The following PARP1 variants were observed in gnomAD, a reference collection of about 807,000 sequenced individuals.
The protein encoded by PARP1 is poly [ADP-ribose] polymerase 1.
A neutral mutation model predicts 118.7 loss-of-function variants in PARP1; 44 were observed. The ratio of observed to expected loss-of-function variants is 0.37; its 90% confidence interval spans 0.29 to 0.48. The LOEUF (loss-of-function observed/expected upper bound fraction) is 0.48. PARP1 is among the 20% of genes least tolerant of loss of function. The probability of loss-of-function intolerance (pLI) is 0.99; values close to 1 mark genes in which losing one functional copy is unlikely to be tolerated. For missense variants in PARP1, 1,100 were observed against 1,272.4 expected (o/e 0.86, Z 2.06); for synonymous variants, 492 against 483.2 (o/e 1.02, Z -0.24).
chr1:226,392,245 T>G lies in PARP1; in HGVS notation c.356A>C (p.Lys119Thr), dbSNP rs758526385. 4.3e-6 allele frequency: 7 copies of G among 1,614,022 alleles called. No homozygotes were observed. Among genetic ancestry groups the G allele is most frequent in the African/African-American group, 1.3e-5 (1 of 74,936 alleles). Reference sequence around the variant, plus strand: ...CCCCTTGCACGTACTTCTGTTGGACTTGGCATACTCTGCTGCAAAGTCACC... The same window carrying G: ...CCCCTTGCACGTACTTCTGTTGGACGTGGCATACTCTGCTGCAAAGTCACC... Reference protein sequence around the residue: ...TLGDFAAEYAKSNRSTCKGCM... With the variant: ...TLGDFAAEYATSNRSTCKGCM... Residue 119 changes from lysine to threonine, a missense_variant, in exon 3 of 23, where the codon AAG becomes ACG. Coordinates refer to ENST00000366794, the MANE Select transcript of PARP1 (RefSeq NM_001618.4).
chr1:226,376,990 T>C (rs3219090), intron 13 of PARP1, 118 bp downstream of exon 13: 570,201 of 924,618 alleles, frequency 0.62, 182,375 homozygotes, highest in Non-Finnish European at 0.67. Context: ...TTATTCTCCT[T>C]TCAACATTTG....
chr1:226,372,981 C>T (rs930173829), intron 14 of PARP1, among the ~76,000 whole-genome samples: 5 of 152,190 alleles, frequency 3.3e-5, no homozygotes, highest in African/African-American at 7.2e-5. Flanking sequence ...ACAAGCACAG[C>T]GAACAAGCCC....
At chr1:226,400,648 C>T (rs1445336402) in intron 2 of PARP1, among the ~76,000 whole-genome samples, 1 of 152,174 alleles carries the variant, frequency 6.6e-6, no homozygotes, top group African/African-American at 2.4e-5. Flanking sequence ...CACCAACAGG[C>T]CAACTCTTTC....
intron 2 of PARP1, among the ~76,000 whole-genome samples, chr1:226,398,118 T>C (rs2102745040): frequency 6.9e-5 from 3 of 43,720 alleles, no homozygotes; most frequent in Middle Eastern, 0.015. Flanking sequence ...GATGACTTTT[T>C]ACAAACACCA....
At chr1:226,407,343 G>A (rs1007402903) in intron 1 of PARP1, among the ~76,000 whole-genome samples, 1 of 149,310 alleles carries the variant, frequency 6.7e-6, no homozygotes, top group Non-Finnish European at 1.5e-5. Flanking sequence ...TTTAAATGAC[G>A]TGTTGAAATG....
At chr1:226,399,194 T>C (rs1000285148) in intron 2 of PARP1, among the ~76,000 whole-genome samples, 1 of 150,464 alleles carries the variant, frequency 6.6e-6, no homozygotes, top group African/African-American at 2.5e-5. Flanking sequence ...TGTCTCGGCC[T>C]CCCGAGTAGC....
chr1:226,367,914 C>T (rs1280490819), intron 16 of PARP1, among the ~76,000 whole-genome samples: 2 of 152,156 alleles, frequency 1.3e-5, no homozygotes, highest in Non-Finnish European at 2.9e-5. Flanking sequence ...GAGCCAGGAG[C>T]TGTCTTAAAA....
chr1:226,377,093 G>C lies in PARP1; in HGVS notation c.1941+15C>G. ...TTTCCTAGAAGCAGACAGTGTAAGG[G>C]CATTATGTGGTTACCTGGCCATAGT... On this transcript the variant is annotated intron_variant, in intron 13 of 22. Transcript: ENST00000366794. 1 of 1,606,704 alleles carries C rather than the reference G, an allele frequency of 6.2e-7. No homozygotes were observed. Among genetic ancestry groups the C allele is most frequent in the Non-Finnish European group, 8.5e-7 (1 of 1,174,124 alleles).
intron 15 of PARP1, among the ~76,000 whole-genome samples, chr1:226,369,432 T>A (rs553745321): frequency 6.6e-6 from 1 of 152,274 alleles, no homozygotes; most frequent in African/African-American, 2.4e-5. Flanking sequence ...AATGTTGAAA[T>A]AACATGAATG....
At chr1:226,362,144 G>T in intron 21 of PARP1, 61 bp from the exon 22 acceptor site, 1 of 918,044 alleles carries the variant, frequency 1.1e-6, no homozygotes, top group Non-Finnish European at 1.8e-6. Flanking sequence ...AAGCTTCCAG[G>T]GAGATGAGCT....
rs2102726962 is a variant in PARP1, at chr1:226,365,155, C to G, written c.2506-1G>C. 2.5e-6 allele frequency: 4 copies of G among 1,614,160 alleles called. No individual in the cohort carries two copies. Among genetic ancestry groups the G allele is most frequent in the Non-Finnish European group, 3.4e-6 (4 of 1,180,036 alleles). ...CGCCTTCACGCTCTATCTTAAAGAT[C>G]TGGTTGGAGTAGTAAACAAAGGGAA... On this transcript the variant is annotated splice_acceptor_variant, in intron 18 of 22. Transcript: ENST00000366794. LOFTEE classifies it high-confidence loss of function.
chr1:226,401,671 T>A (rs1665040064), intron 2 of PARP1, among the ~76,000 whole-genome samples: 1 of 152,186 alleles, frequency 6.6e-6, no homozygotes, highest in Admixed American at 6.5e-5. Context: ...AGAGATGAGC[T>A]ATTCTTCCTT....
chr1:226,370,752 C>T (rs577530596), intron 14 of PARP1: 28 of 583,788 alleles, frequency 4.8e-5, no homozygotes, highest in East Asian at 1.8e-4. Context: ...CTTAGCCAAC[C>T]ATGTCTCCTC....
chr1:226,372,914 ATAAG>A (rs1664415569), intron 14 of PARP1, among the ~76,000 whole-genome samples: 1 of 152,178 alleles, frequency 6.6e-6, no homozygotes, highest in Admixed American at 6.5e-5. Flanking sequence ...GAGCCCACCC[ATAAG>A]TTGTTCACAC....
Position 226,385,533 on chromosome 1 carries a change from G to A in PARP1, c.982C>T (p.Pro328Ser), listed in dbSNP as rs2102738416. 6.2e-7 allele frequency: 1 copy of A among 1,614,126 alleles called. No homozygotes were observed. Among genetic ancestry groups the A allele is most frequent in the Non-Finnish European group, 8.5e-7 (1 of 1,180,012 alleles). The change falls in exon 7 of 23, where the codon CCC becomes TCC. Residue 328 changes from proline (P) to serine (S), a missense_variant. Pro to Ser is a moderately conservative substitution (Grantham distance 74). Around this residue, in one of 2 missense-constraint regions of PARP1, gnomAD observed 948 missense variants for 1,031.8 expected, o/e 0.92. Coordinates refer to ENST00000366794, the MANE Select transcript of PARP1 (RefSeq NM_001618.4). ...WTKCMVKTQTPNRKEWVTPKE... is the reference protein window; with the variant it reads ...WTKCMVKTQTSNRKEWVTPKE... ...GGGGTTACCCACTCCTTCCGGTTGG[G>A]TGTCTGTGTCTTGACCATACACTTG...
rs1430643003 is a variant in PARP1, at chr1:226,381,126, T to C, written c.1242A>G (p.Lys414=). 38 of 1,613,810 alleles carry C rather than the reference T, an allele frequency of 2.4e-5. No homozygotes were observed. Among genetic ancestry groups the C allele is most frequent in the Middle Eastern group, 1.6e-4 (1 of 6,062 alleles). ...CCGTCCCCGTCAACTTCCCCCCGAG[T>C]TTCTCAATCATGGCCTTCACTTCAT... ...NKDEVKAMIE[K]LGGKLTGTAN... The change falls in exon 9 of 23, where the codon AAA becomes AAG. Residue 414 remains lysine, a synonymous_variant. Transcript: ENST00000366794.
At chr1:226,403,829 T>C (rs1445902629) in intron 1 of PARP1, among the ~76,000 whole-genome samples, 4 of 152,254 alleles carry the variant, frequency 2.6e-5, no homozygotes, top group African/African-American at 7.2e-5. Flanking sequence ...GTCACACAGA[T>C]GCAATAAGAC....
At chr1:226,368,910 G>A (rs560447515) in intron 15 of PARP1, among the ~76,000 whole-genome samples, 3 of 152,340 alleles carry the variant, frequency 2.0e-5, no homozygotes, top group South Asian at 2.1e-4. Flanking sequence ...ATGGAAGAGC[G>A]GGGCCACTGG....
chr1:226,407,313 A>G (rs977927421), intron 1 of PARP1, among the ~76,000 whole-genome samples: 1 of 152,118 alleles, frequency 6.6e-6, no homozygotes, highest in Admixed American at 6.5e-5. Flanking sequence ...CCTAATTAAA[A>G]TAAAAAATGA....
Sources: allele counts gnomAD v4.1 joint callset (sites outside exome capture counted in the v4.1 genomes callset), GRCh38; gene constraint gnomAD v4.1.1; regional missense constraint gnomAD v4.1.1; transcripts MANE v1.5; gene names NCBI Gene and HGNC (gene_info 2026-07-23, HGNC 2026-07-21).